Variants in PARP10 observed in about 807,000 individuals in gnomAD.
The protein encoded by PARP10 is poly(ADP-ribose) polymerase family member 10.
A neutral mutation model predicts 82.4 loss-of-function variants in PARP10; 56 were observed. The observed-to-expected ratio is 0.68, with a 90% CI of 0.55 to 0.85. The LOEUF is 0.85. PARP10 is among the 40% of genes least tolerant of loss of function. The pLI, the probability that PARP10 is intolerant of heterozygous loss-of-function variation, is 0.00. For synonymous variants in PARP10, 576 were observed against 601.1 expected (o/e 0.96, Z 0.61); for missense variants, 1,227 against 1,379.4 (o/e 0.89, Z 1.75).
Position 144,008,477 on chromosome 8 carries a change from AAGG to A in PARP10, c.-80+4050_-80+4052del, listed in dbSNP as rs1263062807. 6.6e-6 allele frequency among the ~76,000 whole-genome samples: 1 copy of A among 152,196 alleles called. No homozygotes were observed. Among genetic ancestry groups the A allele is most frequent in the Non-Finnish European group, 1.5e-5 (1 of 68,036 alleles). On this transcript the variant is annotated intron_variant, in intron 1 of 3. Transcript: ENST00000530478. The surrounding 1 kb of genome is among the most constrained non-coding windows in gnomAD (Gnocchi z 4.0). ...GCAAAAGCCAGTGACCCAAGACGGG[AAGG>A]AGGAGATCTGACTCAGCAAAAGCAA...
chr8:143,978,113 C>G, intron 9 of PARP10, 32 bp from the exon 10 acceptor site: 1 of 1,468,814 alleles, frequency 6.8e-7, no homozygotes, highest in South Asian at 1.3e-5. Context: ...GGATTAAACA[C>G]CCTCCCTACG....
intron 1 of PARP10, among the ~76,000 whole-genome samples, chr8:144,012,170 C>T (rs995229253): frequency 7.9e-5 from 12 of 152,242 alleles, no homozygotes; most frequent in Admixed American, 7.8e-4. Flanking sequence ...ACACAGGACA[C>T]ATCTGCTGGG....
rs781786000 is a variant in PARP10 at position 143,983,786 on chromosome 8, G to T, written c.1803C>A (p.Thr601=). The change falls in exon 8 of 11, where the codon ACC becomes ACA. Residue 601 remains threonine (T), a synonymous_variant. Coordinates refer to ENST00000313028, the MANE Select transcript of PARP10 (RefSeq NM_032789.5). ...SLEEVRELLA[T]LEGLDLDGED... ...CCCCGTCTAGGTCTAGGCCCTCCAG[G>T]GTGGCCAGCAGTTCTCGGACCTCCT... The T allele has an allele frequency of 6.3e-7, 1 of 1,599,262 alleles. No individual in the cohort carries two copies. The highest frequency in any genetic ancestry group is 8.5e-7 in the Non-Finnish European group (1 of 1,170,732).
intron 1 of PARP10, among the ~76,000 whole-genome samples, chr8:143,998,459 C>T (rs1269921616): frequency 6.6e-6 from 1 of 152,182 alleles, no homozygotes; most frequent in Non-Finnish European, 1.5e-5. Flanking sequence ...TTATAGACAA[C>T]ACTTGTCATT....
chr8:144,008,652 T>C lies in PARP10; in HGVS notation c.-80+3878A>G, dbSNP rs2133083677. On this transcript the variant is annotated intron_variant, in intron 1 of 3. Transcript: ENST00000530478. This position sits in a 1 kb window ranked among gnomAD's most constrained non-coding sequence, Gnocchi z 4.0. ...AACTGGGACTGTTCCCAAGTGACAC[T>C]GTCCAAGAGCTCAGAAGGGCAGGAC... Among the ~76,000 whole-genome samples the C allele has an allele frequency of 6.6e-6, 1 of 152,300 alleles. No individual in the cohort carries two copies. The highest frequency in any genetic ancestry group is 2.1e-4 in the South Asian group (1 of 4,832).
intron 1 of PARP10, among the ~76,000 whole-genome samples, chr8:144,000,624 C>T (rs1453477655): frequency 6.6e-6 from 1 of 152,068 alleles, no homozygotes; most frequent in Non-Finnish European, 1.5e-5. Flanking sequence ...AACTGGACTC[C>T]ATCTCAAAAA....
At chr8:143,984,164 C>A (rs782749524) in intron 6 of PARP10, 46 bp downstream of exon 6, 1 of 1,579,806 alleles carries the variant, frequency 6.3e-7, no homozygotes, top group South Asian at 1.1e-5. Flanking sequence ...AGGCCTGGGG[C>A]AGAGGCGTGA....
At chr8:143,997,764 C>T (rs938078984) in intron 1 of PARP10, among the ~76,000 whole-genome samples, 2 of 151,800 alleles carry the variant, frequency 1.3e-5, no homozygotes, top group Admixed American at 6.6e-5. Flanking sequence ...ACTCTTAACA[C>T]ATAAAATTTG....
chr8:144,003,428 C>CAA (rs782496305), intron 1 of PARP10, among the ~76,000 whole-genome samples: 28 of 55,792 alleles, frequency 5.0e-4, no homozygotes, highest in African/African-American at 7.5e-4. Context: ...AACTCTGTCT[C>CAA]AAAAAAAAAA....
chr8:143,992,698 G>C, upstream of PARP10: 1 of 1,613,944 alleles, frequency 6.2e-7, no homozygotes, highest in Non-Finnish European at 8.5e-7. Flanking sequence ...CCAGTTCCTC[G>C]CAGTGGACAC....
upstream of PARP10, chr8:143,991,287 C>T (rs892183869): frequency 6.0e-6 from 9 of 1,491,100 alleles, no homozygotes; most frequent in Non-Finnish European, 8.2e-6. Flanking sequence ...CCCTGGATAT[C>T]CGGGGGGGCC....
At chr8:144,000,954 C>T (rs1338679692) in intron 1 of PARP10, among the ~76,000 whole-genome samples, 39 of 144,198 alleles carry the variant, frequency 2.7e-4, no homozygotes, top group Non-Finnish European at 4.4e-4. Flanking sequence ...CGCTCTGTCG[C>T]CCAGGCTGGA....
chr8:143,993,305 T>G, upstream of PARP10: 1 of 185,646 alleles, frequency 5.4e-6, no homozygotes, highest in East Asian at 1.3e-4. Flanking sequence ...GGGGGTCTTA[T>G]CCCTGTGCTG....
In PARP10 at chr8:143,977,622, G is replaced by A; in HGVS notation, c.2940C>T (p.Asp980=). The change falls in exon 11 of 11, where the codon GAC becomes GAT. Residue 980 remains aspartate (D), a synonymous_variant. Coordinates refer to ENST00000313028, the MANE Select transcript of PARP10 (RefSeq NM_032789.5). The stretch of plus-strand genomic sequence containing the variant: ...CGAAGATGCTGGGCTGGCAGATGCA[G>A]TCCACGGCGCTGTCGTAGCGCAGGA... ...HVLLRYDSAV[D]CICQPSIFVI... is the part of the protein sequence containing the mutation. 6.3e-7 allele frequency: 1 copy of A among 1,591,046 alleles called. No individual in the cohort carries two copies. The highest frequency in any genetic ancestry group is 1.1e-5 in the South Asian group (1 of 87,940).
At chr8:143,978,962 C>T (rs1554747055) in intron 9 of PARP10, among the ~76,000 whole-genome samples, 1 of 147,772 alleles carries the variant, frequency 6.8e-6, no homozygotes, top group African/African-American at 2.6e-5. Context: ...GAAAGAAAAC[C>T]CTGCAAGTTT....
At chr8:143,982,335 G>A (rs535660111) in intron 9 of PARP10, among the ~76,000 whole-genome samples, 5 of 143,678 alleles carry the variant, frequency 3.5e-5, no homozygotes, top group South Asian at 2.2e-4. Flanking sequence ...TTAGCCGGGC[G>A]TGGTGGCAGG....
chr8:144,010,547 C>G (rs1415987122), intron 1 of PARP10, among the ~76,000 whole-genome samples: 2 of 152,134 alleles, frequency 1.3e-5, no homozygotes, highest in Non-Finnish European at 2.9e-5. Flanking sequence ...GGCAGAATTC[C>G]TTATTTTCCA....
intron 9 of PARP10, among the ~76,000 whole-genome samples, chr8:143,982,496 G>A (rs782465144): frequency 1.3e-5 from 2 of 152,224 alleles, no homozygotes; most frequent in Non-Finnish European, 2.9e-5. Flanking sequence ...GCCCCGCGCA[G>A]TGTCATCAGC....
chr8:143,981,014 C>T (rs1332593094), intron 9 of PARP10, among the ~76,000 whole-genome samples: 1 of 150,086 alleles, frequency 6.7e-6, no homozygotes, highest in Non-Finnish European at 1.5e-5. Flanking sequence ...ATCTTCCATG[C>T]GGGAAGGCAA....
Sources: allele counts gnomAD v4.1 joint callset (sites outside exome capture counted in the v4.1 genomes callset), GRCh38; gene constraint gnomAD v4.1.1; non-coding constraint Gnocchi (gnomAD v3.1); transcripts MANE v1.5; gene names NCBI Gene and HGNC (gene_info 2026-07-23, HGNC 2026-07-21).